The following RFTN1 variants were observed in gnomAD, a reference collection of about 807,000 sequenced individuals.
RFTN1 encodes the protein raftlin, lipid raft linker 1, also known as raftlin.
Under a neutral mutation model 46.5 loss-of-function variants are expected in RFTN1, and 26 were observed. The ratio of observed to expected loss-of-function variants is 0.56; its 90% CI spans 0.41 to 0.78. RFTN1 has a LOEUF of 0.78. RFTN1 is among the 30% of genes least tolerant of loss of function. The pLI is 0.00. For synonymous variants in RFTN1, 261 were observed against 284.2 expected (o/e 0.92, Z 0.82); for missense variants, 693 against 718.7 (o/e 0.96, Z 0.41).
chr3:16,409,220 G>A (rs1210107884), intron 4 of RFTN1, among the ~76,000 whole-genome samples, 155 bp downstream of exon 4: 2 of 152,230 alleles, frequency 1.3e-5, no homozygotes, highest in Non-Finnish European at 2.9e-5. Context: ...CAGCTCTGGA[G>A]GGGGCTGCTT....
intron 6 of RFTN1, among the ~76,000 whole-genome samples, chr3:16,362,481 TG>T: frequency 6.6e-6 from 1 of 152,152 alleles, no homozygotes; most frequent in Non-Finnish European, 1.5e-5. Context: ...TTTTAAGTCC[TG>T]GGTAACACTC....
Position 16,504,199 on chromosome 3 carries a change from C to A in RFTN1, c.-9+9243G>T, listed in dbSNP as rs1431425934. 2.0e-5 allele frequency among the ~76,000 whole-genome samples: 3 copies of A among 152,158 alleles called. No individual in the cohort carries two copies. The highest frequency in any genetic ancestry group is 4.4e-5 in the Non-Finnish European group (3 of 68,036). On this transcript the variant is annotated intron_variant, in intron 1 of 9. Transcript: ENST00000334133. The surrounding 1 kb of genome is among the most constrained non-coding windows in gnomAD (Gnocchi z 4.4). ...AAACAACTTAATACTTATTCACAGC[C>A]TAACAACAGCAGCCTTTCAGAAAAA... is the stretch of plus-strand genomic sequence containing the variant.
At chr3:16,472,273 A>G (rs2076213008) in intron 2 of RFTN1, among the ~76,000 whole-genome samples, 1 of 152,118 alleles carries the variant, frequency 6.6e-6, no homozygotes, top group Non-Finnish European at 1.5e-5. Context: ...AAAGCCACTG[A>G]GAAAGGCAAA....
Position 16,460,529 on chromosome 3 carries a change from C to T in RFTN1, c.146-26492G>A, listed in dbSNP as rs747202865. Among the ~76,000 whole-genome samples the T allele has an allele frequency of 1.8e-4, 27 of 152,130 alleles. No homozygotes were observed. Among genetic ancestry groups the T allele is most frequent in the Non-Finnish European group, 3.1e-4 (21 of 68,042 alleles). On this transcript the variant is annotated intron_variant, in intron 2 of 9. Coordinates refer to ENST00000334133, the MANE Select transcript of RFTN1 (RefSeq NM_015150.2). This position sits in a 1 kb window ranked among gnomAD's most constrained non-coding sequence, Gnocchi z 4.8. ...GGAAATAAAATAGTTGGATCAATGACGTCAACAACCAACGCCGCTGTCCAA... is the reference window on the plus strand; with the variant it reads ...GGAAATAAAATAGTTGGATCAATGATGTCAACAACCAACGCCGCTGTCCAA...
intron 7 of RFTN1, among the ~76,000 whole-genome samples, chr3:16,354,800 T>A (rs1212935759): frequency 6.6e-6 from 1 of 152,232 alleles, no homozygotes; most frequent in East Asian, 1.9e-4. Flanking sequence ...TGCATTTTAC[T>A]ATCAACAGCC....
Position 16,348,493 on chromosome 3 carries a change from T to C in RFTN1, c.1146+9439A>G, listed in dbSNP as rs1431306925. Among the ~76,000 whole-genome samples, 2 of 152,166 alleles carry C rather than the reference T, an allele frequency of 1.3e-5. No homozygotes were observed. The highest frequency in any genetic ancestry group is 2.9e-5 in the Non-Finnish European group (2 of 68,016). On this transcript the variant is annotated intron_variant, in intron 7 of 9. Coordinates refer to ENST00000334133, the MANE Select transcript of RFTN1 (RefSeq NM_015150.2). This position sits in a 1 kb window ranked among gnomAD's most constrained non-coding sequence, Gnocchi z 6.3. ...CTGGCTTGACTTGCCAATACCCAGC[T>C]GGAGCCCACTGTGTCCAGGAGGCCT...
Position 16,460,616 on chromosome 3 carries a change from T to C in RFTN1, c.146-26579A>G, listed in dbSNP as rs1465947246. ...GGAATATATATTTTTTTAACCTAAA[T>C]CTTCTTCTCATTTTCTCCTTTTTTG... On this transcript the variant is annotated intron_variant, in intron 2 of 9. Coordinates refer to ENST00000334133, the MANE Select transcript of RFTN1 (RefSeq NM_015150.2). The surrounding 1 kb of genome is among the most constrained non-coding windows in gnomAD (Gnocchi z 4.8). 6.6e-6 allele frequency among the ~76,000 whole-genome samples: 1 copy of C among 152,158 alleles called. No individual in the cohort carries two copies. Among genetic ancestry groups the C allele is most frequent in the Non-Finnish European group, 1.5e-5 (1 of 68,032 alleles).
At chr3:16,325,402 CAG>C (rs763836978) in intron 8 of RFTN1, among the ~76,000 whole-genome samples, 8 of 152,314 alleles carry the variant, frequency 5.3e-5, no homozygotes, top group Middle Eastern at 3.4e-3. Context: ...AGGTCTGAGA[CAG>C]AGAGACCTGT....
At chr3:16,411,597 A>G (rs1193479016) in intron 3 of RFTN1, among the ~76,000 whole-genome samples, 3 of 152,252 alleles carry the variant, frequency 2.0e-5, no homozygotes, top group Admixed American at 2.0e-4. Flanking sequence ...GTCAGAGACT[A>G]GACTCATGTT....
chr3:16,487,219 C>T (rs2076461629), intron 2 of RFTN1, among the ~76,000 whole-genome samples: 1 of 152,228 alleles, frequency 6.6e-6, no homozygotes, highest in South Asian at 2.1e-4. Flanking sequence ...GTCTAGTTCA[C>T]CCAAATGTCC....
chr3:16,365,695 G>T (rs1216539540), intron 6 of RFTN1, among the ~76,000 whole-genome samples: 1 of 152,122 alleles, frequency 6.6e-6, no homozygotes, highest in Non-Finnish European at 1.5e-5. Context: ...AGAACACATT[G>T]CCTGGAACGT....
intron 4 of RFTN1, among the ~76,000 whole-genome samples, chr3:16,391,858 G>GTTTTTTTTTTT (rs1272551461): frequency 1.0e-4 from 5 of 49,118 alleles, no homozygotes; most frequent in Admixed American, 6.5e-4. Context: ...TAGTGCAAAG[G>GTTTTTTTTTTT]TTTTTTTTTT....
chr3:16,494,203 T>C (rs1202049906), intron 1 of RFTN1, among the ~76,000 whole-genome samples: 1 of 152,152 alleles, frequency 6.6e-6, no homozygotes, highest in Admixed American at 6.5e-5. Context: ...ATAATCTGTA[T>C]CCATGAATAA....
rs1160493501 is a variant in RFTN1, at chr3:16,466,245, C to A, written c.145+27480G>T. 1.3e-5 allele frequency among the ~76,000 whole-genome samples: 2 copies of A among 152,168 alleles called. No homozygotes were observed. The highest frequency in any genetic ancestry group is 2.9e-5 in the Non-Finnish European group (2 of 68,030). On this transcript the variant is annotated intron_variant, in intron 2 of 9. Transcript: ENST00000334133. This position sits in a 1 kb window ranked among gnomAD's most constrained non-coding sequence, Gnocchi z 5.6. ...TTTTAACTTGCATCGTCCTCTCATC[C>A]CAGCTTGCAAAGGAACAGGTACACA... is the stretch of plus-strand genomic sequence containing the variant.
chr3:16,409,532 A>C (rs768793961), intron 3 of RFTN1, 49 bp from the exon 4 acceptor site: 1 of 1,314,948 alleles, frequency 7.6e-7, no homozygotes, highest in East Asian at 2.4e-5. Flanking sequence ...ATCTTGCATA[A>C]TTTGGAGACA....
rs564972629 is a variant in RFTN1 at position 16,344,077 on chromosome 3, G to A, written c.1146+13855C>T. 1.1e-4 allele frequency among the ~76,000 whole-genome samples: 17 copies of A among 152,232 alleles called. No homozygotes were observed. The highest frequency in any genetic ancestry group is 4.1e-4 in the African/African-American group (17 of 41,460). Reference sequence around the variant, plus strand: ...AGCCCAGAGCACTTGGAGGGAAGCAGTAGAGACATTCTTGGCCTGTATTAA... The same window carrying A: ...AGCCCAGAGCACTTGGAGGGAAGCAATAGAGACATTCTTGGCCTGTATTAA... On this transcript the variant is annotated intron_variant, in intron 7 of 9. Coordinates refer to ENST00000334133, the MANE Select transcript of RFTN1 (RefSeq NM_015150.2). This position sits in a 1 kb window ranked among gnomAD's most constrained non-coding sequence, Gnocchi z 4.4.
chr3:16,349,825 G>C (rs1394230316), intron 7 of RFTN1: 1 of 152,244 alleles, frequency 6.6e-6, no homozygotes, highest in African/African-American at 2.4e-5. Flanking sequence ...TGGCTTACAT[G>C]ACTGTGGAGG....
At chr3:16,331,822 A>G (rs1250871854) in intron 7 of RFTN1, among the ~76,000 whole-genome samples, 4 of 152,200 alleles carry the variant, frequency 2.6e-5, no homozygotes, top group Admixed American at 2.6e-4. Flanking sequence ...CTAGGCAACA[A>G]TGCCCTAGAA....
chr3:16,441,299 TAAAAAAA>T (rs59877269), intron 2 of RFTN1, among the ~76,000 whole-genome samples: 617 of 47,562 alleles, frequency 0.013, 2 homozygotes, highest in Non-Finnish European at 0.018. Context: ...TTCCAAGAAC[TAAAAAAA>T]AAAAAAAAAA....
Sources: allele counts gnomAD v4.1 joint callset (sites outside exome capture counted in the v4.1 genomes callset), GRCh38; gene constraint gnomAD v4.1.1; non-coding constraint Gnocchi (gnomAD v3.1); transcripts MANE v1.5; gene names NCBI Gene and HGNC (gene_info 2026-07-23, HGNC 2026-07-21).